EBF1: variants seen among roughly 807,000 people sequenced by gnomAD.
EBF1 encodes the protein transcription factor COE1.
EBF1 carries 10 observed loss-of-function variants against 68.4 expected under a neutral mutation model. That is an observed-to-expected ratio of 0.15 (90% CI 0.09 to 0.25). EBF1 has a LOEUF of 0.25. EBF1 is among the 10% of genes least tolerant of loss of function. The pLI, the probability that EBF1 is intolerant of heterozygous loss-of-function variation, is 1.00. For missense variants in EBF1, 509 were observed against 794.4 expected, an observed-to-expected ratio of 0.64 and a Z score of 4.32; for synonymous variants, 298 against 299.8, an observed-to-expected ratio of 0.99 and a Z score of 0.06.
intron 6 of EBF1, among the ~76,000 whole-genome samples, chr5:158,846,208 T>C (rs915845157): frequency 6.6e-6 from 1 of 152,144 alleles, no homozygotes; most frequent in Non-Finnish European, 1.5e-5. Flanking sequence ...CAACTGTGGG[T>C]TCCCTTCTGT....
rs182495716 is a variant in EBF1 at position 158,919,366 on chromosome 5, T to C, written c.555-79256A>G. ...AAAATCCCCGGAGAGGGTTATCTCA[T>C]AGATAACACCAATCATATCTGAGAG... On this transcript the variant is annotated intron_variant, in intron 6 of 15. Transcript: ENST00000313708. 5.3e-5 allele frequency among the ~76,000 whole-genome samples: 8 copies of C among 152,250 alleles called. No individual in the cohort carries two copies. The East Asian group carries it at 7.7e-4, about 15-fold the overall frequency.
At chr5:158,867,654 A>C (rs1014820576) in intron 6 of EBF1, among the ~76,000 whole-genome samples, 11 of 136,858 alleles carry the variant, frequency 8.0e-5, no homozygotes, top group Non-Finnish European at 1.6e-4. Context: ...GACAATTCTC[A>C]CCTGCCTTAG....
chr5:158,804,729 A>G (rs1330315680), intron 8 of EBF1, among the ~76,000 whole-genome samples: 1 of 152,166 alleles, frequency 6.6e-6, no homozygotes, highest in Non-Finnish European at 1.5e-5. Flanking sequence ...TCAAGGTGTG[A>G]CTACACTGTT....
At chr5:159,076,393 C>A (rs915145937) in intron 5 of EBF1, among the ~76,000 whole-genome samples, 3 of 152,124 alleles carry the variant, frequency 2.0e-5, no homozygotes, top group Admixed American at 6.5e-5. Context: ...CCACCTCCCC[C>A]AAGCATGCCA....
At chr5:158,953,897 G>A (rs1203221500) in intron 6 of EBF1, among the ~76,000 whole-genome samples, 1 of 152,110 alleles carries the variant, frequency 6.6e-6, no homozygotes, top group East Asian at 1.9e-4. Flanking sequence ...AGAAATAAAA[G>A]GCTACCTTCC....
At chr5:159,084,112 T>TC (rs1780207123) in intron 5 of EBF1, among the ~76,000 whole-genome samples, 1 of 152,094 alleles carries the variant, frequency 6.6e-6, no homozygotes, top group South Asian at 2.1e-4. Flanking sequence ...CTGCGAAGTA[T>TC]TGGCTACATT....
chr5:158,732,735 G>A (rs541517957), intron 10 of EBF1, among the ~76,000 whole-genome samples: 3 of 152,280 alleles, frequency 2.0e-5, no homozygotes, highest in East Asian at 1.9e-4. Flanking sequence ...TATATTTTAA[G>A]TTAGAGTGAA....
intron 6 of EBF1, among the ~76,000 whole-genome samples, chr5:159,012,438 G>A (rs1764857390): frequency 6.6e-6 from 1 of 151,974 alleles, no homozygotes; most frequent in Non-Finnish European, 1.5e-5. Flanking sequence ...ATATGTTGAA[G>A]TCCTAACCCC....
chr5:159,077,371 G>A (rs1354545562), intron 5 of EBF1, among the ~76,000 whole-genome samples: 2 of 152,138 alleles, frequency 1.3e-5, no homozygotes, highest in South Asian at 2.1e-4. Context: ...CCCGGGAAAC[G>A]GAGGTTACAG....
At chr5:158,787,045 A>G (rs1777592418) in intron 9 of EBF1, among the ~76,000 whole-genome samples, 2 of 152,186 alleles carry the variant, frequency 1.3e-5, no homozygotes, top group African/African-American at 2.4e-5. Context: ...GTAATTCCTC[A>G]CTTAACGTGT....
intron 10 of EBF1, among the ~76,000 whole-genome samples, chr5:158,764,495 A>G (rs1561859540): frequency 6.6e-6 from 1 of 152,152 alleles, no homozygotes. Flanking sequence ...ACTAATATTT[A>G]TTGCATCTCA....
chr5:158,721,329 C>T (rs953237922), intron 11 of EBF1, among the ~76,000 whole-genome samples: 2 of 151,992 alleles, frequency 1.3e-5, no homozygotes, highest in Non-Finnish European at 2.9e-5. Context: ...TGTAAGCTAA[C>T]GCGGCTATAT....
At chr5:158,920,227 G>T (rs1244787732) in intron 6 of EBF1, among the ~76,000 whole-genome samples, 1 of 152,146 alleles carries the variant, frequency 6.6e-6, no homozygotes, top group East Asian at 1.9e-4. Flanking sequence ...ATCCTATCAG[G>T]TATCATGATT....
At position 158,859,041 on chromosome 5, in the gene EBF1, CCAA is replaced by C. The variant is rs1794546875; in HGVS notation, c.555-18934_555-18932del. Among the ~76,000 whole-genome samples the C allele has an allele frequency of 4.6e-5, 7 of 152,270 alleles. No individual in the cohort carries two copies. The South Asian group carries it at 1.5e-3, about 32-fold the overall frequency. On this transcript the variant is annotated intron_variant, in intron 6 of 15. Coordinates refer to ENST00000313708, the MANE Select transcript of EBF1 (RefSeq NM_024007.5). ...AGACTTTCACCGCAATCATTGCCAG[CCAA>C]CAACATGTTTATCTACCAAAAGAAA...
chr5:158,920,157 GTGTGTGTGTGTGTA>G (rs1050223144), intron 6 of EBF1, among the ~76,000 whole-genome samples: 1 of 151,934 alleles, frequency 6.6e-6, no homozygotes, highest in African/African-American at 2.4e-5. Flanking sequence ...ATACATATGT[GTGTGTGTGTGTGTA>G]TGTGTGTGTG....
intron 7 of EBF1, among the ~76,000 whole-genome samples, chr5:158,837,243 C>T (rs917592340): frequency 6.6e-6 from 1 of 152,202 alleles, no homozygotes; most frequent in Non-Finnish European, 1.5e-5. Flanking sequence ...CACTGCTAAA[C>T]ATCCTACAAT....
rs1273811812 is a variant in EBF1 at position 158,906,263 on chromosome 5, T to C, written c.555-66153A>G. ...ATCCCACCTATAACAGATCACTTGC[T>C]TGGAAGTAGGCTGCCTGTCTTTCCT... On this transcript the variant is annotated intron_variant, in intron 6 of 15. Coordinates refer to ENST00000313708, the MANE Select transcript of EBF1 (RefSeq NM_024007.5). 4.0e-5 allele frequency among the ~76,000 whole-genome samples: 6 copies of C among 150,244 alleles called. No homozygotes were observed. In the East Asian group the frequency reaches 1.2e-3, roughly 29 times the overall value.
chr5:159,099,375 C>T lies in EBF1; in HGVS notation c.104G>A (p.Gly35Glu). The change falls in exon 1 of 16, where the codon GGG (glycine) becomes GAG (glutamate). Residue 35 changes from glycine (G) to glutamate (E), a missense_variant. By Grantham distance (98) the Gly-to-Glu change is moderately conservative. Transcript: ENST00000313708. ...CGCCGCCGTGTTGGCGTCCAGCACC[C>T]CGGCGCCCTGCATCCACGTCCGCAC... Reference protein sequence around the residue: ...NAVRTWMQGAGVLDANTAAQS... With the variant: ...NAVRTWMQGAEVLDANTAAQS... The T allele has an allele frequency of 1.3e-6, 2 of 1,597,346 alleles. No individual in the cohort carries two copies. The highest frequency in any genetic ancestry group is 1.7e-6 in the Non-Finnish European group (2 of 1,172,516).
Position 159,058,172 on chromosome 5 carries a change from A to C in EBF1, c.554+15224T>G, listed in dbSNP as rs552986122. Among the ~76,000 whole-genome samples, 35 of 152,334 alleles carry C rather than the reference A, an allele frequency of 2.3e-4. No homozygotes were observed. The East Asian group carries it at 6.2e-3, about 27-fold the overall frequency. On this transcript the variant is annotated intron_variant, in intron 6 of 15. Transcript: ENST00000313708. ...TTTTTAAACCCAGCCGTTTAATCAG[A>C]CCTCAAGGAGGCTTTTCTATTGGAG...
Sources: allele counts gnomAD v4.1 joint callset (sites outside exome capture counted in the v4.1 genomes callset), GRCh38; gene constraint gnomAD v4.1.1; transcripts MANE v1.5; gene names NCBI Gene and HGNC (gene_info 2026-07-23, HGNC 2026-07-21).